The following TGIF1 variants were observed in gnomAD, a reference collection of about 807,000 sequenced individuals.
TGIF1 encodes homeobox protein TGIF1.
In TGIF1, 4 loss-of-function variants were observed where a neutral mutation model predicts 19.3. The observed-to-expected ratio is 0.21, with a 90% CI of 0.10 to 0.47. The LOEUF is 0.47. Among genes scored for constraint, TGIF1 ranks in the 20% least tolerant of loss-of-function variants. The pLI, the probability that TGIF1 is intolerant of heterozygous loss-of-function variation, is 0.98. For missense variants in TGIF1, 275 were observed against 341.4 expected, an observed-to-expected ratio of 0.81 and a Z score of 1.53; for synonymous variants, 122 against 129.3, an observed-to-expected ratio of 0.94 and a Z score of 0.38.
chr18:3,437,020 G>A (rs1015484104), intron 2 of TGIF1, among the ~76,000 whole-genome samples: 1 of 151,856 alleles, frequency 6.6e-6, no homozygotes, highest in Non-Finnish European at 1.5e-5. Context: ...CACGAGAATG[G>A]CCTGACCCCA....
At chr18:3,422,481 T>A (rs1327401908) in intron 2 of TGIF1, among the ~76,000 whole-genome samples, 2 of 151,310 alleles carry the variant, frequency 1.3e-5, no homozygotes, top group Non-Finnish European at 3.0e-5. Context: ...AAGGTAAAGT[T>A]AATTTATTAT....
upstream of TGIF1, chr18:3,448,308 AG>A: frequency 1.0e-6 from 1 of 985,280 alleles, no homozygotes; most frequent in African/African-American, 1.7e-5. Flanking sequence ...AGCGGATAGG[AG>A]CCACCAATCC....
chr18:3,448,307 G>A (rs957178798), upstream of TGIF1: 6 of 985,256 alleles, frequency 6.1e-6, no homozygotes, highest in African/African-American at 1.0e-4. Flanking sequence ...CAGCGGATAG[G>A]AGCCACCAAT....
chr18:3,431,374 C>T (rs1007500230), intron 2 of TGIF1, among the ~76,000 whole-genome samples: 3 of 151,612 alleles, frequency 2.0e-5, no homozygotes, highest in Admixed American at 1.3e-4. Context: ...AGGTGGAGGT[C>T]GTAGTGAGCA....
At chr18:3,445,393 C>T (rs374188220), upstream of TGIF1, among the ~76,000 whole-genome samples, 11 of 152,044 alleles carry the variant, frequency 7.2e-5, 1 homozygote, top group African/African-American at 2.7e-4. Flanking sequence ...AGTATATTCT[C>T]TCTTGCTTGA....
chr18:3,415,610 C>T (rs986054934), intron 1 of TGIF1: 1 of 202,402 alleles, frequency 4.9e-6, no homozygotes, highest in East Asian at 1.1e-4. Flanking sequence ...CTTTTGAAAG[C>T]TCTATTTAAT....
At chr18:3,421,028 T>C (rs1008898943) in intron 2 of TGIF1, among the ~76,000 whole-genome samples, 2 of 152,140 alleles carry the variant, frequency 1.3e-5, no homozygotes, top group Admixed American at 6.6e-5. Flanking sequence ...ACTACGTATA[T>C]GATGGTGGTC....
At chr18:3,412,258 A>G (rs2082281166) in intron 1 of TGIF1, 2 of 152,224 alleles carry the variant, frequency 1.3e-5, no homozygotes, top group Admixed American at 1.3e-4. Flanking sequence ...AACCCAGGTA[A>G]GTCCTGCCCC....
At chr18:3,446,926 T>C (rs1489824175), upstream of TGIF1, among the ~76,000 whole-genome samples, 3 of 152,236 alleles carry the variant, frequency 2.0e-5, no homozygotes, top group South Asian at 4.1e-4. Flanking sequence ...ATGGAACTCA[T>C]GCTTTATCAA....
intron 2 of TGIF1, among the ~76,000 whole-genome samples, chr18:3,441,956 C>A (rs2082681554): frequency 6.6e-6 from 1 of 151,380 alleles, no homozygotes; most frequent in Non-Finnish European, 1.5e-5. Flanking sequence ...TCAGAATTTC[C>A]CCAGCTGCTG....
chr18:3,433,077 T>G (rs991188733), intron 2 of TGIF1, among the ~76,000 whole-genome samples: 1 of 150,954 alleles, frequency 6.6e-6, no homozygotes, highest in African/African-American at 2.4e-5. Context: ...CTTCTTCTTT[T>G]TTTTTTTTGA....
rs2082866551 is a variant in TGIF1, at chr18:3,450,387, C to T, written c.-103C>T. ...CGGCTGGAGCACGTCCTACAAGTTA[C>T]GGGAGAGTCGGCTGTGAAGGAGACG... On this transcript the variant is annotated 5_prime_UTR_variant, in exon 1 of 3. In the 5' UTR this introduces an upstream ATG that the reference lacks. Coordinates refer to ENST00000343820, the MANE Select transcript of TGIF1 (RefSeq NM_003244.4). 1 of 1,543,332 alleles carries T rather than the reference C, an allele frequency of 6.5e-7. No homozygotes were observed. The highest frequency in any genetic ancestry group is 8.7e-7 in the Non-Finnish European group (1 of 1,142,864).
At position 3,452,318 on chromosome 18, in the gene TGIF1, G is replaced by A. The variant is rs368811074; in HGVS notation, c.16+1813G>A. ...GCCGGCCGCATCGGTGGGAACTTCC[G>A]CGGTCCCCATCCCAGGGCGCACAGG... On this transcript the variant is annotated intron_variant, in intron 1 of 2. Coordinates refer to ENST00000343820, the MANE Select transcript of TGIF1 (RefSeq NM_003244.4). 6.0e-5 allele frequency: 97 copies of A among 1,613,008 alleles called. 1 individual carries two copies. In the Middle Eastern group the frequency reaches 2.0e-3, roughly 33 times the overall value.
At chr18:3,452,383 G>A (rs1206507798) in intron 1 of TGIF1, 2 of 1,613,284 alleles carry the variant, frequency 1.2e-6, no homozygotes, top group Non-Finnish European at 1.7e-6. Context: ...ACAATGAAAG[G>A]TGACGGGCTG....
In TGIF1 at chr18:3,456,892, T is replaced by A. The variant is rs1197235720; in HGVS notation, c.243+312T>A. The A allele has an allele frequency of 8.3e-6, 5 of 601,610 alleles. No individual in the cohort carries two copies. Among genetic ancestry groups the A allele is most frequent in the Non-Finnish European group, 1.5e-5 (5 of 340,830 alleles). The allele number at this position is 601,610 out of a possible 1,614,324, so 37.3% of individuals were successfully genotyped here. On this transcript the variant is annotated intron_variant, in intron 2 of 2. Coordinates refer to ENST00000343820, the MANE Select transcript of TGIF1 (RefSeq NM_003244.4). This position sits in a 1 kb window ranked among gnomAD's most constrained non-coding sequence, Gnocchi z 4.2. ...GGTTTGATATTTAAACAAGGACGAC[T>A]TCAGTGAGGTAATTCATGTTATGTC...
upstream of TGIF1, chr18:3,450,154 T>G (rs2082856704): frequency 8.1e-7 from 1 of 1,240,740 alleles, no homozygotes; most frequent in Non-Finnish European, 1.0e-6. Flanking sequence ...TCCTGTACCT[T>G]CCCTCCTCGC....
Position 3,456,203 on chromosome 18 carries a change from A to T in TGIF1, c.17-151A>T. 1 of 823,868 alleles carries T rather than the reference A, an allele frequency of 1.2e-6. No individual in the cohort carries two copies. Among genetic ancestry groups the T allele is most frequent in the Non-Finnish European group, 2.1e-6 (1 of 475,202 alleles). 51.0% of individuals were successfully genotyped at this position (823,868 alleles called of 1,614,324 possible). A position where few individuals can be genotyped will look rare whatever the true frequency, so the allele number is the denominator to read the frequency against. The stretch of plus-strand genomic sequence containing the variant: ...TGCTAGTCAAACTACTTTTACTTGG[A>T]CCCTGAATTCAGGACAGAAAACACT... On this transcript the variant is annotated intron_variant, in intron 1 of 2. Transcript: ENST00000343820. This position sits in a 1 kb window ranked among gnomAD's most constrained non-coding sequence, Gnocchi z 4.2.
At chr18:3,450,129 G>A, upstream of TGIF1, 1 of 1,096,354 alleles carries the variant, frequency 9.1e-7, no homozygotes, top group South Asian at 3.1e-5. Context: ...GGCGGCTGGG[G>A]GCGGAGGCAG....
intron 2 of TGIF1, among the ~76,000 whole-genome samples, chr18:3,419,837 C>A (rs1327286372): frequency 1.3e-5 from 2 of 152,100 alleles, no homozygotes; most frequent in African/African-American, 4.8e-5. Context: ...AAAACCCCTC[C>A]TCTACTAAAA....
Sources: gnomAD v4.1 joint callset for allele counts (sites outside exome capture counted in the v4.1 genomes callset) on GRCh38, gnomAD v4.1.1 for gene constraint, Gnocchi (gnomAD v3.1) non-coding constraint, MANE v1.5 for transcripts, NCBI Gene and HGNC (gene_info 2026-07-23, HGNC 2026-07-21) for gene names.